Variants in LPP observed in about 807,000 individuals in gnomAD.
LPP encodes the protein LIM domain containing preferred translocation partner in lipoma, also known as lipoma-preferred partner.
Under a neutral mutation model 60.4 loss-of-function variants are expected in LPP, and 38 were observed. The ratio of observed to expected loss-of-function variants is 0.63; its 90% CI spans 0.49 to 0.83. The LOEUF is 0.83. LPP is among the 40% of genes least tolerant of loss of function. The pLI, the probability that LPP is intolerant of heterozygous loss-of-function variation, is 0.00. For missense variants in LPP, 902 were observed against 783.6 expected (o/e 1.15, Z -1.80); for synonymous variants, 328 against 290.8 (o/e 1.13, Z -1.30).
intron 2 of LPP, among the ~76,000 whole-genome samples, chr3:188,289,192 A>G (rs1745120694): frequency 6.6e-6 from 1 of 152,070 alleles, no homozygotes; most frequent in Admixed American, 6.5e-5. Context: ...AGATCATACA[A>G]TCATTGAATC....
chr3:188,855,436 GC>G (rs1411172314), intron 9 of LPP, among the ~76,000 whole-genome samples: 1 of 152,202 alleles, frequency 6.6e-6, no homozygotes, highest in African/African-American at 2.4e-5. Flanking sequence ...ATAGTGATAA[GC>G]ACTATGAAGA....
chr3:188,372,704 T>C (rs1322081601), intron 3 of LPP, among the ~76,000 whole-genome samples: 1 of 151,728 alleles, frequency 6.6e-6, no homozygotes, highest in Non-Finnish European at 1.5e-5. Flanking sequence ...GTTTTTTTTT[T>C]TTAAATTTTA....
intron 2 of LPP, among the ~76,000 whole-genome samples, chr3:188,340,548 A>G (rs1458897239): frequency 6.6e-6 from 1 of 152,032 alleles, no homozygotes; most frequent in East Asian, 1.9e-4. Flanking sequence ...CAATAAATCC[A>G]TCCATTCTAT....
intron 6 of LPP, among the ~76,000 whole-genome samples, chr3:188,557,496 A>C (rs1460909023): frequency 1.3e-5 from 2 of 152,108 alleles, no homozygotes; most frequent in Admixed American, 1.3e-4. Flanking sequence ...GCAACAGCTG[A>C]TTCTTGCCTT....
At chr3:188,503,076 G>T (rs1379664350) in intron 5 of LPP, among the ~76,000 whole-genome samples, 1 of 151,202 alleles carries the variant, frequency 6.6e-6, no homozygotes, top group Non-Finnish European at 1.5e-5. Flanking sequence ...TTTTTTTTGT[G>T]TATTCAATTG....
At chr3:188,377,368 C>T (rs953098454) in intron 3 of LPP, among the ~76,000 whole-genome samples, 7 of 152,210 alleles carry the variant, frequency 4.6e-5, no homozygotes, top group African/African-American at 1.7e-4. Context: ...TTGGTCCTTT[C>T]ACATAGTCCC....
chr3:188,378,140 C>T (rs1775756413), intron 3 of LPP, among the ~76,000 whole-genome samples: 1 of 152,176 alleles, frequency 6.6e-6, no homozygotes, highest in Non-Finnish European at 1.5e-5. Flanking sequence ...CCCAGTTAGG[C>T]TACTTGCGGG....
intron 6 of LPP, among the ~76,000 whole-genome samples, chr3:188,586,036 T>C (rs1474654068): frequency 6.6e-6 from 1 of 152,208 alleles, no homozygotes; most frequent in East Asian, 1.9e-4. Flanking sequence ...GCATTCTACT[T>C]TTAAAGTACA....
intron 3 of LPP, among the ~76,000 whole-genome samples, chr3:188,369,264 G>A (rs1401376386): frequency 1.3e-5 from 2 of 152,012 alleles, no homozygotes; most frequent in East Asian, 1.9e-4. Flanking sequence ...TTAGGCAGAA[G>A]CATTTGATAG....
intron 7 of LPP, among the ~76,000 whole-genome samples, chr3:188,676,406 T>G (rs1048709243): frequency 6.6e-6 from 1 of 152,194 alleles, no homozygotes; most frequent in Non-Finnish European, 1.5e-5. Flanking sequence ...TCATTAGCAC[T>G]GAAGTTGAGA....
intron 6 of LPP, among the ~76,000 whole-genome samples, chr3:188,601,438 C>A (rs951983116): frequency 6.6e-6 from 1 of 152,064 alleles, no homozygotes; most frequent in Non-Finnish European, 1.5e-5. Flanking sequence ...CACTGATTTC[C>A]CATAAAAATT....
chr3:188,818,804 G>A (rs772931759), intron 9 of LPP, among the ~76,000 whole-genome samples: 4 of 152,140 alleles, frequency 2.6e-5, no homozygotes, highest in African/African-American at 4.8e-5. Context: ...TTATATGAAC[G>A]TTATATATGT....
chr3:188,405,331 G>A (rs1234717536), intron 3 of LPP, among the ~76,000 whole-genome samples: 2 of 152,248 alleles, frequency 1.3e-5, no homozygotes, highest in East Asian at 3.9e-4. Context: ...ACTTTCAGTG[G>A]TTCCTTAATG....
At chr3:188,708,552 C>A in intron 8 of LPP, 159 bp downstream of exon 8, 1 of 974,456 alleles carries the variant, frequency 1.0e-6, no homozygotes, top group Non-Finnish European at 1.6e-6. Flanking sequence ...GTAGGATTTG[C>A]ATTTGCAAGA....
At position 188,610,803 on chromosome 3, in the gene LPP, A is replaced by C. The variant is rs1238566078; in HGVS notation, c.1113+959A>C. Among the ~76,000 whole-genome samples the C allele has an allele frequency of 6.6e-6, 1 of 152,180 alleles. No homozygotes were observed. Among genetic ancestry groups the C allele is most frequent in the Admixed American group, 6.5e-5 (1 of 15,276 alleles). ...AATAAGAATAACTTGGAATCGGTGA[A>C]AATAGAGGAACTGAGCCAGTTTCCA... is the stretch of plus-strand genomic sequence containing the variant. On this transcript the variant is annotated intron_variant, in intron 7 of 11. Transcript: ENST00000617246. This position sits in a 1 kb window ranked among gnomAD's most constrained non-coding sequence, Gnocchi z 4.4.
chr3:188,711,111 T>A (rs1198814789), intron 8 of LPP: 1 of 152,188 alleles, frequency 6.6e-6, no homozygotes, highest in Non-Finnish European at 1.5e-5. Context: ...GATATGCTCG[T>A]TAAAAATCCA....
chr3:188,299,800 A>G (rs921791782), intron 2 of LPP, among the ~76,000 whole-genome samples: 2 of 152,192 alleles, frequency 1.3e-5, no homozygotes, highest in African/African-American at 2.4e-5. Context: ...TGTAAAGAAG[A>G]CAGTAGGGCA....
chr3:188,226,367 G>A (rs1210879215), intron 2 of LPP, among the ~76,000 whole-genome samples: 4 of 152,152 alleles, frequency 2.6e-5, no homozygotes, highest in African/African-American at 7.2e-5. Flanking sequence ...CTTAGGCAAA[G>A]GGTGTGAGCC....
intron 6 of LPP, among the ~76,000 whole-genome samples, chr3:188,569,711 T>C (rs1356600331): frequency 6.6e-6 from 1 of 151,968 alleles, no homozygotes; most frequent in Non-Finnish European, 1.5e-5. Flanking sequence ...GTGGCAGAGG[T>C]CATGTTTCAG....
Sources: allele counts gnomAD v4.1 joint callset (sites outside exome capture counted in the v4.1 genomes callset), GRCh38; gene constraint gnomAD v4.1.1; non-coding constraint Gnocchi (gnomAD v3.1); transcripts MANE v1.5; gene names NCBI Gene and HGNC (gene_info 2026-07-23, HGNC 2026-07-21).